Variants in KAZN observed in about 807,000 individuals in gnomAD.
KAZN encodes kazrin.
Under a neutral mutation model 87.4 loss-of-function variants are expected in KAZN, and 40 were observed. The observed-to-expected ratio is 0.46, with a 90% CI of 0.36 to 0.60. The LOEUF (loss-of-function observed/expected upper bound fraction) is 0.60, where lower values mean the gene tolerates loss of function less well. KAZN is among the 20% of genes least tolerant of loss of function. KAZN has a pLI of 0.00. For missense variants in KAZN, 898 were observed against 1,073.9 expected (o/e 0.84, Z 2.29); for synonymous variants, 466 against 458.3 (o/e 1.02, Z -0.22).
intron 2 of KAZN, among the ~76,000 whole-genome samples, chr1:14,187,764 T>A (rs556025397): frequency 1.3e-5 from 2 of 152,168 alleles, no homozygotes; most frequent in Admixed American, 1.3e-4. Flanking sequence ...ATGTTAGGAG[T>A]GTCAAGATTG....
intron 2 of KAZN, among the ~76,000 whole-genome samples, chr1:14,282,095 T>C (rs1031482725): frequency 1.3e-4 from 20 of 152,348 alleles, no homozygotes; most frequent in African/African-American, 4.6e-4. Context: ...ATATTTTTGT[T>C]ACCTGAAAAA....
chr1:14,223,305 C>G (rs755748299), intron 2 of KAZN, among the ~76,000 whole-genome samples: 2 of 152,258 alleles, frequency 1.3e-5, no homozygotes, highest in East Asian at 1.9e-4. Flanking sequence ...GCTTATTTTC[C>G]TAAACTTTGC....
intron 1 of KAZN, among the ~76,000 whole-genome samples, chr1:14,809,926 C>T (rs984990432): frequency 6.6e-5 from 10 of 152,248 alleles, no homozygotes; most frequent in South Asian, 6.2e-4. Context: ...TACAAGGTAA[C>T]GGGCTAGATC....
chr1:14,154,382 T>C (rs959413368), intron 1 of KAZN, among the ~76,000 whole-genome samples: 3 of 152,238 alleles, frequency 2.0e-5, no homozygotes, highest in Non-Finnish European at 4.4e-5. Context: ...TTATCAATTC[T>C]AATGGTTTTT....
intron 2 of KAZN, among the ~76,000 whole-genome samples, chr1:14,354,796 G>T (rs1658875536): frequency 1.3e-5 from 2 of 151,996 alleles, no homozygotes; most frequent in African/African-American, 4.8e-5. Context: ...AAACTAGCAT[G>T]TTCTTAAAAT....
intron 1 of KAZN, among the ~76,000 whole-genome samples, chr1:14,813,072 G>A (rs756882053): frequency 3.0e-4 from 45 of 152,102 alleles, no homozygotes; most frequent in Non-Finnish European, 5.9e-4. Context: ...TCAGAGTTGG[G>A]TTCAGATTTG....
intron 1 of KAZN, among the ~76,000 whole-genome samples, chr1:14,008,924 G>A (rs1640156962): frequency 6.6e-6 from 1 of 152,052 alleles, no homozygotes. Flanking sequence ...TTTTCATCTT[G>A]TAAAATGGAA....
chr1:14,249,744 C>T (rs1309652017), intron 2 of KAZN, among the ~76,000 whole-genome samples: 1 of 152,162 alleles, frequency 6.6e-6, no homozygotes, highest in African/African-American at 2.4e-5. Context: ...AAAGAGGTCC[C>T]TGATTGGCCA....
At chr1:14,189,831 C>A (rs1646386919) in intron 2 of KAZN, among the ~76,000 whole-genome samples, 1 of 152,146 alleles carries the variant, frequency 6.6e-6, no homozygotes, top group African/African-American at 2.4e-5. Context: ...ACAAACAAAT[C>A]AGCACAAGGT....
intron 2 of KAZN, among the ~76,000 whole-genome samples, chr1:14,417,707 C>G (rs1045977279): frequency 2.0e-5 from 3 of 152,018 alleles, no homozygotes; most frequent in African/African-American, 7.2e-5. Context: ...CACAAGAAAC[C>G]TACATCGGGC....
chr1:14,008,989 G>T (rs549781582), intron 1 of KAZN, among the ~76,000 whole-genome samples: 1 of 152,074 alleles, frequency 6.6e-6, no homozygotes, highest in African/African-American at 2.4e-5. Flanking sequence ...AGCCCCTGGC[G>T]ACTACCGTTC....
At chr1:14,399,990 A>ATTTTTTT (rs1557691713) in intron 2 of KAZN, among the ~76,000 whole-genome samples, 3 of 150,604 alleles carry the variant, frequency 2.0e-5, no homozygotes, top group Non-Finnish European at 4.4e-5. Context: ...TAAAATAAAA[A>ATTTTTTT]AAGAAGGAAT....
chr1:14,659,893 AAG>A (rs1639041259), intron 1 of KAZN, among the ~76,000 whole-genome samples: 1 of 152,086 alleles, frequency 6.6e-6, no homozygotes, highest in African/African-American at 2.4e-5. Context: ...AAAAAAAAAA[AAG>A]AAAGCCAAAC....
At chr1:13,932,453 G>A (rs1570315953) in intron 1 of KAZN, among the ~76,000 whole-genome samples, 1 of 151,806 alleles carries the variant, frequency 6.6e-6, no homozygotes, top group Non-Finnish European at 1.5e-5. Flanking sequence ...GTAGAGACGG[G>A]GTTTCACCGT....
At chr1:14,279,527 A>G (rs1652676031) in intron 2 of KAZN, among the ~76,000 whole-genome samples, 1 of 152,250 alleles carries the variant, frequency 6.6e-6, no homozygotes, top group African/African-American at 2.4e-5. Context: ...TTGTTAGTGC[A>G]GTACTATCAG....
chr1:14,430,128 A>G (rs1336734537), intron 2 of KAZN, among the ~76,000 whole-genome samples: 2 of 151,962 alleles, frequency 1.3e-5, no homozygotes, highest in Non-Finnish European at 2.9e-5. Context: ...AATGTGCTCA[A>G]ATGTCATCTT....
intron 1 of KAZN, among the ~76,000 whole-genome samples, chr1:14,681,385 A>G (rs1367682022): frequency 2.0e-5 from 3 of 151,758 alleles, no homozygotes; most frequent in Admixed American, 1.3e-4. Flanking sequence ...CTGGGTAAAT[A>G]TCTAGGACTG....
intron 2 of KAZN, among the ~76,000 whole-genome samples, chr1:14,427,209 G>T (rs928019651): frequency 2.0e-5 from 3 of 152,176 alleles, no homozygotes; most frequent in African/African-American, 7.2e-5. Flanking sequence ...TGTCCTCAAG[G>T]CTGGGGTTCA....
intron 1 of KAZN, among the ~76,000 whole-genome samples, chr1:14,107,584 A>G (rs1452931006): frequency 6.6e-6 from 1 of 152,134 alleles, no homozygotes; most frequent in Admixed American, 6.5e-5. Context: ...CCAGTGTTGC[A>G]GTTCTCAGGT....
Sources: gnomAD v4.1 joint callset for allele counts (sites outside exome capture counted in the v4.1 genomes callset) on GRCh38, gnomAD v4.1.1 for gene constraint, MANE v1.5 for transcripts, NCBI Gene and HGNC (gene_info 2026-07-23, HGNC 2026-07-21) for gene names.